AGBL1: variants seen among roughly 807,000 people sequenced by gnomAD.
AGBL1 encodes the protein cytosolic carboxypeptidase 4.
A neutral mutation model predicts 118.9 loss-of-function variants in AGBL1; 130 were observed. The observed-to-expected ratio is 1.09, with a 90% CI of 0.95 to 1.26. The LOEUF (loss-of-function observed/expected upper bound fraction) is 1.26. Among genes scored for constraint, AGBL1 ranks in the 50% most tolerant of loss-of-function variants. AGBL1 has a pLI of 0.00. For synonymous variants in AGBL1, 555 were observed against 478.9 expected (o/e 1.16, Z -2.08); for missense variants, 1,584 against 1,298.1 (o/e 1.22, Z -3.38).
intron 22 of AGBL1, among the ~76,000 whole-genome samples, chr15:86,844,313 C>A (rs2141444381): frequency 6.6e-6 from 1 of 152,242 alleles, no homozygotes; most frequent in Non-Finnish European, 1.5e-5. Flanking sequence ...GTGGCTGTAC[C>A]TTTTACAATC....
At chr15:86,383,278 C>T (rs1225132588) in intron 17 of AGBL1, among the ~76,000 whole-genome samples, 3 of 107,496 alleles carry the variant, frequency 2.8e-5, no homozygotes, top group Non-Finnish European at 5.7e-5. Flanking sequence ...AAAAAAAATC[C>T]TAATTGCTTA....
rs76334832 is a variant in AGBL1 at position 86,980,398 on chromosome 15, A to G, written c.3222-7589A>G. ...CAAAAAATAGCATTGGCTGCTGTGTATATCAATGTCAGAGTCAGATTCATA... is the reference window on the plus strand; with the variant it reads ...CAAAAAATAGCATTGGCTGCTGTGTGTATCAATGTCAGAGTCAGATTCATA... On this transcript the variant is annotated intron_variant, in intron 23 of 24. Transcript: ENST00000441037. Among the ~76,000 whole-genome samples, 138 of 152,306 alleles carry G rather than the reference A, an allele frequency of 9.1e-4. 1 individual carries two copies. In the East Asian group the frequency reaches 0.018, roughly 20 times the overall value.
At position 86,547,341 on chromosome 15, in the gene AGBL1, G is replaced by A. The variant is rs542774447; in HGVS notation, c.2817+1208G>A. On this transcript the variant is annotated intron_variant, in intron 20 of 22. Transcript: ENST00000614907. ...CTACCATGGTCCAATCTTAAATATAGAGTCAGCATGTTTTTTACTTCTCTT... is the reference window on the plus strand; with the variant it reads ...CTACCATGGTCCAATCTTAAATATAAAGTCAGCATGTTTTTTACTTCTCTT... Among the ~76,000 whole-genome samples, 6 of 152,118 alleles carry A rather than the reference G, an allele frequency of 3.9e-5. No homozygotes were observed. The South Asian group carries it at 1.2e-3, about 32-fold the overall frequency.
At chr15:86,151,740 C>T (rs535026805) in intron 3 of AGBL1, among the ~76,000 whole-genome samples, 1 of 152,244 alleles carries the variant, frequency 6.6e-6, no homozygotes, top group East Asian at 1.9e-4. Context: ...CAAATTGTCC[C>T]TGTTTGCAGA....
At chr15:86,791,614 ATACC>A (rs2078494103) in intron 22 of AGBL1, among the ~76,000 whole-genome samples, 1 of 151,724 alleles carries the variant, frequency 6.6e-6, no homozygotes, top group Admixed American at 6.6e-5. Flanking sequence ...ACTCTCTTGG[ATACC>A]TCAGTTTCTT....
At chr15:86,725,342 G>A (rs1374001741) in intron 22 of AGBL1, among the ~76,000 whole-genome samples, 1 of 152,154 alleles carries the variant, frequency 6.6e-6, no homozygotes, top group Non-Finnish European at 1.5e-5. Flanking sequence ...ATCAAGTAAT[G>A]CTTCCAGGGT....
intron 1 of AGBL1, among the ~76,000 whole-genome samples, chr15:86,116,907 G>T (rs1326826138): frequency 6.6e-6 from 1 of 151,084 alleles, no homozygotes; most frequent in Non-Finnish European, 1.5e-5. Context: ...TGGTAACCAA[G>T]CATCTTTCTT....
At chr15:86,960,984 AGAC>A (rs2080987203) in intron 23 of AGBL1, among the ~76,000 whole-genome samples, 1 of 152,104 alleles carries the variant, frequency 6.6e-6, no homozygotes, top group African/African-American at 2.4e-5. Flanking sequence ...TTCAGTTATA[AGAC>A]GACTAAGTTC....
chr15:86,557,801 G>T (rs2083756342), intron 21 of AGBL1, among the ~76,000 whole-genome samples: 1 of 152,000 alleles, frequency 6.6e-6, no homozygotes, highest in African/African-American at 2.4e-5. Flanking sequence ...ATGTATGATG[G>T]CTGACAAGTG....
chr15:86,983,482 T>A (rs1403162731), intron 23 of AGBL1, among the ~76,000 whole-genome samples: 2 of 152,090 alleles, frequency 1.3e-5, no homozygotes, highest in Non-Finnish European at 2.9e-5. Context: ...CCCCTGAAGG[T>A]CTTTTGATGT....
At chr15:86,567,002 G>A (rs2142301245) in intron 21 of AGBL1, among the ~76,000 whole-genome samples, 1 of 152,182 alleles carries the variant, frequency 6.6e-6, no homozygotes, top group South Asian at 2.1e-4. Flanking sequence ...GACTGAATGA[G>A]CTACTGCCTA....
chr15:86,972,017 G>T (rs766148493), intron 23 of AGBL1, among the ~76,000 whole-genome samples: 1 of 151,900 alleles, frequency 6.6e-6, no homozygotes, highest in African/African-American at 2.4e-5. Context: ...GTTCCCTGAG[G>T]CTTCCCTAGT....
At chr15:86,495,214 A>G (rs757078971) in intron 18 of AGBL1, among the ~76,000 whole-genome samples, 19 of 151,462 alleles carry the variant, frequency 1.3e-4, no homozygotes, top group Non-Finnish European at 2.4e-4. Flanking sequence ...GTGTATGGCT[A>G]ATTTACAATG....
At chr15:86,672,367 T>C (rs1421858986) in intron 21 of AGBL1, among the ~76,000 whole-genome samples, 2 of 152,236 alleles carry the variant, frequency 1.3e-5, no homozygotes, top group Non-Finnish European at 2.9e-5. Context: ...TTGACTGGTA[T>C]GAAGGAACTC....
At chr15:86,629,076 G>T (rs1596320151) in intron 21 of AGBL1, among the ~76,000 whole-genome samples, 2 of 152,076 alleles carry the variant, frequency 1.3e-5, no homozygotes, top group South Asian at 4.2e-4. Flanking sequence ...CTGTACATTA[G>T]GTCTCCAGAA....
chr15:86,396,425 T>C (rs2081365517), intron 17 of AGBL1, among the ~76,000 whole-genome samples: 1 of 151,998 alleles, frequency 6.6e-6, no homozygotes, highest in African/African-American at 2.4e-5. Context: ...ATAAAGACTG[T>C]TCATGTCAAT....
chr15:86,871,267 C>T (rs1308046468), intron 22 of AGBL1, among the ~76,000 whole-genome samples: 2 of 152,132 alleles, frequency 1.3e-5, no homozygotes, highest in Non-Finnish European at 2.9e-5. Flanking sequence ...CTTGCTATTT[C>T]AAAGGGAGTA....
rs80019479 is a variant in AGBL1 at position 86,509,220 on chromosome 15, G to A, written c.2556-13590G>A. Among the ~76,000 whole-genome samples the A allele has an allele frequency of 9.1e-3, 1,380 of 152,180 alleles. 10 individuals are homozygous for A. Among genetic ancestry groups the A allele is most frequent in the Middle Eastern group, 0.02 (6 of 294 alleles). ...AAATTGCTACAGATTGTAGTCAAAG[G>A]AAGTCTCATGAAAGGGGCGAGGCTT... is the stretch of plus-strand genomic sequence containing the variant. On this transcript the variant is annotated intron_variant, in intron 18 of 22. Coordinates refer to ENST00000614907, the MANE Select transcript of AGBL1 (RefSeq NM_001386094.1).
intron 22 of AGBL1, among the ~76,000 whole-genome samples, chr15:86,804,062 C>T (rs897479181): frequency 3.9e-5 from 6 of 152,044 alleles, no homozygotes; most frequent in Admixed American, 3.9e-4. Flanking sequence ...AAAAAACCAA[C>T]CCCTAAGAAA....
Sources: gnomAD v4.1 joint callset for allele counts (sites outside exome capture counted in the v4.1 genomes callset) on GRCh38, gnomAD v4.1.1 for gene constraint, MANE v1.5 for transcripts, NCBI Gene and HGNC (gene_info 2026-07-23, HGNC 2026-07-21) for gene names.